Variants in SLC35F3 observed in about 807,000 individuals in gnomAD.
SLC35F3 encodes solute carrier family 35 member F3.
Under a neutral mutation model 49.9 loss-of-function variants are expected in SLC35F3, and 25 were observed. The ratio of observed to expected loss-of-function variants is 0.50; its 90% CI spans 0.37 to 0.70. The LOEUF is 0.70. Ranked by LOEUF, SLC35F3 falls within the 30% of genes least tolerant of loss-of-function variation. SLC35F3 has a pLI of 0.00. For missense variants in SLC35F3, 525 were observed against 639.8 expected (o/e 0.82, Z 1.94); for synonymous variants, 275 against 265.4 (o/e 1.04, Z -0.35).
intron 2 of SLC35F3, among the ~76,000 whole-genome samples, chr1:234,118,296 A>G (rs915208924): frequency 5.9e-5 from 9 of 152,152 alleles, no homozygotes; most frequent in African/African-American, 2.2e-4. Context: ...TTCCACAGAC[A>G]TCAGGCAGGG....
chr1:233,955,005 G>A (rs145507175), intron 2 of SLC35F3, among the ~76,000 whole-genome samples: 126 of 152,102 alleles, frequency 8.3e-4, no homozygotes, highest in African/African-American at 2.8e-3. Context: ...CACCACGCCC[G>A]GCTAATTTTT....
chr1:233,958,471 T>A (rs926379747), intron 2 of SLC35F3, among the ~76,000 whole-genome samples: 3 of 152,194 alleles, frequency 2.0e-5, no homozygotes, highest in African/African-American at 7.2e-5. Flanking sequence ...ACCTATGAGG[T>A]CTATTCCAGC....
chr1:234,239,745 ACATT>A (rs1667525565), intron 3 of SLC35F3, among the ~76,000 whole-genome samples: 2 of 152,226 alleles, frequency 1.3e-5, no homozygotes, highest in African/African-American at 2.4e-5. Flanking sequence ...CCATGCTGGG[ACATT>A]GTGATAGATG....
intron 5 of SLC35F3, among the ~76,000 whole-genome samples, chr1:234,318,196 C>G (rs1325647295): frequency 6.6e-6 from 1 of 152,190 alleles, no homozygotes; most frequent in African/African-American, 2.4e-5. Flanking sequence ...CCCAGCCTTC[C>G]AAGCCCCTGA....
rs1373358696 is a variant in SLC35F3 at position 234,214,807 on chromosome 1, C to G, written c.284-16610C>G. On this transcript the variant is annotated intron_variant, in intron 2 of 7. Transcript: ENST00000366618. The surrounding 1 kb of genome is among the most constrained non-coding windows in gnomAD (Gnocchi z 8.0). The stretch of plus-strand genomic sequence containing the variant: ...GCTGCTGCGGCGAGTGAGCACCCGG[C>G]TCCCCAACCCTCTCCTTCCTGGGCA... 4.2e-6 allele frequency: 2 copies of G among 481,104 alleles called. No individual in the cohort carries two copies. The highest frequency in any genetic ancestry group is 4.1e-5 in the African/African-American group (2 of 49,010). 29.8% of individuals were successfully genotyped at this position (481,104 alleles called of 1,614,324 possible).
chr1:234,314,627 G>C (rs1657441041), intron 4 of SLC35F3, among the ~76,000 whole-genome samples: 1 of 152,164 alleles, frequency 6.6e-6, no homozygotes. Flanking sequence ...CAGGTGTGGT[G>C]GCGGGCACCT....
chr1:234,264,441 C>G (rs1396158473), intron 3 of SLC35F3, among the ~76,000 whole-genome samples: 2 of 152,208 alleles, frequency 1.3e-5, no homozygotes. Flanking sequence ...CTCTGTCTCC[C>G]TTTCTCTCTT....
chr1:234,219,961 C>T (rs1024847617), intron 2 of SLC35F3, among the ~76,000 whole-genome samples: 15 of 152,256 alleles, frequency 9.9e-5, no homozygotes, highest in African/African-American at 3.4e-4. Context: ...GCTGGGAGAC[C>T]AGCAGGCAGT....
chr1:234,243,253 G>T (rs1349294852), intron 3 of SLC35F3, among the ~76,000 whole-genome samples: 1 of 152,104 alleles, frequency 6.6e-6, no homozygotes, highest in Non-Finnish European at 1.5e-5. Context: ...TACTCGGGAG[G>T]TTGAGGCACG....
intron 2 of SLC35F3, among the ~76,000 whole-genome samples, chr1:233,996,163 C>T (rs182884883): frequency 5.3e-5 from 8 of 152,144 alleles, no homozygotes; most frequent in South Asian, 2.1e-4. Context: ...CAGGAAAAAA[C>T]GGTTAATTGT....
intron 2 of SLC35F3, among the ~76,000 whole-genome samples, chr1:233,982,858 A>G (rs146813184): frequency 2.6e-5 from 4 of 152,334 alleles, no homozygotes; most frequent in Admixed American, 1.3e-4. Context: ...AGCTGTGGTC[A>G]TAAAGGATTC....
At chr1:234,262,154 T>C (rs1226182478) in intron 3 of SLC35F3, among the ~76,000 whole-genome samples, 1 of 152,200 alleles carries the variant, frequency 6.6e-6, no homozygotes, top group Admixed American at 6.5e-5. Context: ...CATTCTATAA[T>C]GTGCTACAAA....
intron 2 of SLC35F3, among the ~76,000 whole-genome samples, chr1:233,987,335 C>T (rs1663281920): frequency 6.6e-6 from 1 of 151,940 alleles, no homozygotes; most frequent in African/African-American, 2.4e-5. Context: ...AAATTTGTGA[C>T]CTTGTATGTT....
intron 2 of SLC35F3, among the ~76,000 whole-genome samples, chr1:233,936,460 G>A (rs917087859): frequency 2.0e-5 from 3 of 152,082 alleles, no homozygotes; most frequent in African/African-American, 4.8e-5. Context: ...GGGTAGTGGG[G>A]AACATTTGAT....
At chr1:234,243,783 G>T (rs565563494) in intron 3 of SLC35F3, among the ~76,000 whole-genome samples, 1 of 152,336 alleles carries the variant, frequency 6.6e-6, no homozygotes, top group Admixed American at 6.5e-5. Context: ...CAGGGTTGCT[G>T]CAGGGAGGGC....
At chr1:234,010,146 TA>T (rs1663693066) in intron 2 of SLC35F3, among the ~76,000 whole-genome samples, 1 of 152,166 alleles carries the variant, frequency 6.6e-6, no homozygotes, top group African/African-American at 2.4e-5. Context: ...GAAAAATTAT[TA>T]AAGCAATTGT....
intron 1 of SLC35F3, 91 bp downstream of exon 1, chr1:233,905,221 C>G: frequency 3.5e-6 from 5 of 1,411,084 alleles, no homozygotes; most frequent in Non-Finnish European, 3.9e-6. Flanking sequence ...ACTGGGCAGT[C>G]TGAGGCTCGG....
chr1:234,100,051 A>G (rs964229358), intron 2 of SLC35F3, among the ~76,000 whole-genome samples: 12 of 152,250 alleles, frequency 7.9e-5, no homozygotes, highest in African/African-American at 2.7e-4. Flanking sequence ...GGTGTTCTGC[A>G]TGATTAGGTG....
chr1:233,956,428 A>G (rs1662703441), intron 2 of SLC35F3, among the ~76,000 whole-genome samples: 1 of 152,204 alleles, frequency 6.6e-6, no homozygotes, highest in African/African-American at 2.4e-5. Context: ...GGGCCAGGGT[A>G]TGGCCATAAA....
Sources: allele counts gnomAD v4.1 joint callset (sites outside exome capture counted in the v4.1 genomes callset), GRCh38; gene constraint gnomAD v4.1.1; non-coding constraint Gnocchi (gnomAD v3.1); transcripts MANE v1.5; gene names NCBI Gene and HGNC (gene_info 2026-07-23, HGNC 2026-07-21).